Variants in RPS6KC1 observed in about 807,000 individuals in gnomAD.
The protein encoded by RPS6KC1 is ribosomal protein S6 kinase C1.
Under a neutral mutation model 103.8 loss-of-function variants are expected in RPS6KC1, and 54 were observed. The observed-to-expected ratio is 0.52, with a 90% CI of 0.42 to 0.65. The LOEUF (loss-of-function observed/expected upper bound fraction) is 0.65. RPS6KC1 is among the 30% of genes least tolerant of loss of function. RPS6KC1 has a pLI of 0.00. For synonymous variants in RPS6KC1, 439 were observed against 438.7 expected, an observed-to-expected ratio of 1.00 and a Z score of -0.01; for missense variants, 1,151 against 1,253.8, an observed-to-expected ratio of 0.92 and a Z score of 1.24.
At chr1:213,843,538 T>A in the RPS6KC1 span, 1 of 152,188 alleles carries the variant, frequency 6.6e-6, no homozygotes, top group African/African-American at 2.4e-5. Context: ...TGCAGAATAG[T>A]AGAACAAAGT....
the RPS6KC1 span, among the ~76,000 whole-genome samples, chr1:213,288,511 T>C: frequency 8.5e-5 from 13 of 152,366 alleles, no homozygotes; most frequent in Admixed American, 5.2e-4. Context: ...TTTTAACTTA[T>C]AACCTAGTAG....
chr1:213,055,331 T>A (rs1333484680), intron 1 of RPS6KC1, among the ~76,000 whole-genome samples: 1 of 152,200 alleles, frequency 6.6e-6, no homozygotes, highest in Non-Finnish European at 1.5e-5. Context: ...GCACTTTTTT[T>A]TTTTGGTCTG....
the RPS6KC1 span, among the ~76,000 whole-genome samples, chr1:213,363,819 C>G: frequency 3.4e-5 from 2 of 58,580 alleles, 1 homozygote; most frequent in South Asian, 1.1e-3. Context: ...TCTTTCTTCT[C>G]TCTTTTTTTT....
chr1:213,719,381 G>A, the RPS6KC1 span, among the ~76,000 whole-genome samples: 5 of 152,066 alleles, frequency 3.3e-5, no homozygotes, highest in Admixed American at 1.3e-4. Flanking sequence ...CAGTAAGGCC[G>A]ATGCCCGCCA....
chr1:213,479,684 A>G, the RPS6KC1 span, among the ~76,000 whole-genome samples: 2 of 152,064 alleles, frequency 1.3e-5, no homozygotes, highest in Non-Finnish European at 2.9e-5. Context: ...ACCAATCAAA[A>G]TAAATGCCAT....
the RPS6KC1 span, among the ~76,000 whole-genome samples, chr1:213,757,132 T>C: frequency 7.9e-5 from 12 of 152,152 alleles, no homozygotes; most frequent in Non-Finnish European, 1.5e-5. Flanking sequence ...ATTAGGCCAA[T>C]TAATTACTCC....
At chr1:213,091,163 T>G (rs1307971544) in intron 3 of RPS6KC1, among the ~76,000 whole-genome samples, 1 of 152,002 alleles carries the variant, frequency 6.6e-6, no homozygotes, top group Non-Finnish European at 1.5e-5. Context: ...ATTCATGCCA[T>G]TCTCCTGCCT....
the RPS6KC1 span, among the ~76,000 whole-genome samples, chr1:213,377,636 T>C: frequency 6.6e-6 from 1 of 152,234 alleles, no homozygotes; most frequent in Admixed American, 6.5e-5. Flanking sequence ...CTAAATGCCA[T>C]GACTCCAGGA....
At chr1:213,382,260 G>C in the RPS6KC1 span, among the ~76,000 whole-genome samples, 1 of 152,204 alleles carries the variant, frequency 6.6e-6, no homozygotes, top group Non-Finnish European at 1.5e-5. Flanking sequence ...CAGAGATCTG[G>C]ATGCTGGTGG....
At chr1:213,415,998 GAA>G in the RPS6KC1 span, among the ~76,000 whole-genome samples, 1 of 152,216 alleles carries the variant, frequency 6.6e-6, no homozygotes, top group Admixed American at 6.5e-5. Context: ...CTGGAAAGGA[GAA>G]GTCAGCAAAA....
At chr1:213,115,478 G>A (rs1466068990) in intron 4 of RPS6KC1, among the ~76,000 whole-genome samples, 8 of 151,334 alleles carry the variant, frequency 5.3e-5, no homozygotes, top group East Asian at 1.9e-4. Context: ...CTGTCTATCA[G>A]TTTTGTTGAT....
chr1:213,584,742 G>A, the RPS6KC1 span, among the ~76,000 whole-genome samples: 1 of 152,186 alleles, frequency 6.6e-6, no homozygotes, highest in Non-Finnish European at 1.5e-5. Flanking sequence ...TGCATGCTTT[G>A]AGAAGATGAA....
At chr1:213,235,555 A>G (rs753073902) in intron 10 of RPS6KC1, among the ~76,000 whole-genome samples, 2 of 152,130 alleles carry the variant, frequency 1.3e-5, no homozygotes, top group African/African-American at 4.8e-5. Flanking sequence ...GAGAGGGAGC[A>G]TTGTGGATAT....
At chr1:213,742,922 A>G in the RPS6KC1 span, among the ~76,000 whole-genome samples, 3 of 152,246 alleles carry the variant, frequency 2.0e-5, no homozygotes, top group African/African-American at 7.2e-5. Flanking sequence ...GAACACTTAT[A>G]CACTGTTGGT....
chr1:213,455,467 C>G, the RPS6KC1 span, among the ~76,000 whole-genome samples: 2 of 152,264 alleles, frequency 1.3e-5, no homozygotes, highest in Non-Finnish European at 1.5e-5. Context: ...ATGTAGGGGA[C>G]AGGTACTGAG....
At position 213,129,577 on chromosome 1, in the gene RPS6KC1, C is replaced by G. The variant is rs1391439829; in HGVS notation, c.523C>G (p.Leu175Val). 10 of 1,613,618 alleles carry G rather than the reference C, an allele frequency of 6.2e-6. 1 individual carries two copies. The highest frequency in any genetic ancestry group is 1.7e-5 in the Admixed American group (1 of 59,962). The part of the protein sequence containing the change: ...LVSLTVDVDS[L>V]AELDDGMASN... Reference sequence around the variant, plus strand: ...ATCTCTTACTGTTGATGTGGATTCTCTTGCTGAGTTAGATGATGGAATGGC... The same window carrying G: ...ATCTCTTACTGTTGATGTGGATTCTGTTGCTGAGTTAGATGATGGAATGGC... Residue 175 changes from leucine (L) to valine (V), a missense_variant, in exon 6 of 15, where the codon CTT becomes GTT. This residue lies in a region of RPS6KC1 where 959 missense variants were observed against 1,006.3 expected (regional missense o/e 0.95). Coordinates refer to ENST00000366960, the MANE Select transcript of RPS6KC1 (RefSeq NM_012424.6).
chr1:213,313,812 G>A, the RPS6KC1 span, among the ~76,000 whole-genome samples: 1 of 152,132 alleles, frequency 6.6e-6, no homozygotes, highest in African/African-American at 2.4e-5. Context: ...AATTAGCCGG[G>A]TGTGGTGGCG....
the RPS6KC1 span, among the ~76,000 whole-genome samples, chr1:213,344,308 T>C: frequency 6.6e-6 from 1 of 152,210 alleles, no homozygotes; most frequent in Non-Finnish European, 1.5e-5. Context: ...AGTAGTATGA[T>C]TGTAAACCTG....
the RPS6KC1 span, among the ~76,000 whole-genome samples, chr1:213,736,937 C>T: frequency 2.0e-5 from 3 of 152,172 alleles, no homozygotes; most frequent in East Asian, 5.8e-4. Flanking sequence ...AACTATTCCC[C>T]AAGGAGCTCT....
Sources: gnomAD v4.1 joint callset for allele counts (sites outside exome capture counted in the v4.1 genomes callset) on GRCh38, gnomAD v4.1.1 for gene constraint, gnomAD v4.1.1 regional missense constraint, MANE v1.5 for transcripts, NCBI Gene and HGNC (gene_info 2026-07-23, HGNC 2026-07-21) for gene names.